The following UGGT2 variants were observed in gnomAD, a reference collection of about 807,000 sequenced individuals.
The protein encoded by UGGT2 is UDP-glucose:glycoprotein glucosyltransferase 2.
Under a neutral mutation model 192.1 loss-of-function variants are expected in UGGT2, and 180 were observed. That is an observed-to-expected ratio of 0.94 (90% CI 0.83 to 1.06). UGGT2 has a LOEUF of 1.06. UGGT2 is among the 50% of genes least tolerant of loss of function. The pLI is 0.00. For missense variants in UGGT2, 1,849 were observed against 1,795.7 expected, an observed-to-expected ratio of 1.03 and a Z score of -0.54; for synonymous variants, 580 against 591.0, an observed-to-expected ratio of 0.98 and a Z score of 0.27.
chr13:95,992,752 T>C (rs537462972), intron 7 of UGGT2, among the ~76,000 whole-genome samples: 2 of 152,210 alleles, frequency 1.3e-5, no homozygotes, highest in South Asian at 4.1e-4. Context: ...AGAATGGCTA[T>C]TATCAAAAAG....
chr13:95,803,296 T>G (rs762751646), intron 38 of UGGT2, among the ~76,000 whole-genome samples: 1 of 151,610 alleles, frequency 6.6e-6, no homozygotes, highest in Non-Finnish European at 1.5e-5. Context: ...GTTTCACTCT[T>G]GTTGCCCAGA....
Position 96,051,097 on chromosome 13 carries a change from G to A in UGGT2, c.158+2058C>T, listed in dbSNP as rs549470312. 5.9e-5 allele frequency among the ~76,000 whole-genome samples: 9 copies of A among 152,288 alleles called. No homozygotes were observed. In the South Asian group the frequency reaches 1.9e-3, roughly 32 times the overall value. ...GGAACCAACCCAAATGTCCGTCAAT[G>A]ATAGACTGGATTAAGAAAATGTGGC... On this transcript the variant is annotated intron_variant, in intron 1 of 38. Coordinates refer to ENST00000376747, the MANE Select transcript of UGGT2 (RefSeq NM_020121.4).
At chr13:95,870,589 C>T (rs551198316) in intron 29 of UGGT2, among the ~76,000 whole-genome samples, 25 of 152,280 alleles carry the variant, frequency 1.6e-4, no homozygotes, top group African/African-American at 5.3e-4. Context: ...AGTAGCAGCT[C>T]TTTCTGGTTG....
At chr13:95,916,340 C>A (rs1015515440) in intron 20 of UGGT2, among the ~76,000 whole-genome samples, 3 of 152,098 alleles carry the variant, frequency 2.0e-5, no homozygotes. Context: ...TAAAAACAAA[C>A]AGAAAGCAAC....
chr13:95,808,746 A>G (rs1473154553), intron 38 of UGGT2, among the ~76,000 whole-genome samples: 1 of 152,224 alleles, frequency 6.6e-6, no homozygotes, highest in Non-Finnish European at 1.5e-5. Context: ...TCATAACTGA[A>G]TAGCATGTAC....
intron 5 of UGGT2, 24 bp from the exon 6 acceptor site, chr13:95,999,331 A>G: frequency 6.2e-7 from 1 of 1,603,556 alleles, no homozygotes; most frequent in Non-Finnish European, 8.5e-7. Flanking sequence ...TTTATTTTAT[A>G]AAAAGCGAAA....
chr13:95,972,236 C>G (rs891013940), intron 11 of UGGT2, among the ~76,000 whole-genome samples: 1 of 151,902 alleles, frequency 6.6e-6, no homozygotes, highest in Admixed American at 6.6e-5. Flanking sequence ...GGGGAAATAC[C>G]CCATGTTGAC....
intron 5 of UGGT2, among the ~76,000 whole-genome samples, chr13:96,010,944 GC>G (rs955012781): frequency 9.9e-5 from 15 of 152,134 alleles, no homozygotes; most frequent in African/African-American, 3.6e-4. Flanking sequence ...GAAAAGCAAA[GC>G]CAGAAATAGA....
chr13:95,960,734 G>T (rs964427099), intron 12 of UGGT2, among the ~76,000 whole-genome samples: 6 of 152,132 alleles, frequency 3.9e-5, no homozygotes, highest in Admixed American at 3.3e-4. Flanking sequence ...TTTTGCCCAT[G>T]GCAAATTATA....
intron 5 of UGGT2, among the ~76,000 whole-genome samples, chr13:96,009,934 C>G (rs910126472): frequency 1.3e-5 from 2 of 151,946 alleles, no homozygotes; most frequent in African/African-American, 4.8e-5. Flanking sequence ...AGATCAAAAC[C>G]ACAATGAGAT....
intron 38 of UGGT2, among the ~76,000 whole-genome samples, chr13:95,813,919 C>T (rs1320609875): frequency 1.3e-5 from 2 of 152,198 alleles, no homozygotes; most frequent in South Asian, 2.1e-4. Context: ...CAGACTGCTA[C>T]TTCAGAGGGT....
chr13:95,939,903 G>T, intron 16 of UGGT2, 54 bp downstream of exon 16: 1 of 1,363,750 alleles, frequency 7.3e-7, no homozygotes, highest in Non-Finnish European at 1.0e-6. Flanking sequence ...AGATCATGTG[G>T]TGTTTGTCTT....
Position 95,983,605 on chromosome 13 carries a change from A to C in UGGT2, c.1092+199T>G, listed in dbSNP as rs528078721. On this transcript the variant is annotated intron_variant, in intron 10 of 38. Coordinates refer to ENST00000376747, the MANE Select transcript of UGGT2 (RefSeq NM_020121.4). ...GAAATTCTGGAATATACTGTGAAAT[A>C]AGTAGAAGGTATGTCAGAAAAGATT... 10 of 643,768 alleles carry C rather than the reference A, an allele frequency of 1.6e-5. No homozygotes were observed. The African/African-American group carries it at 1.6e-4, about 10-fold the overall frequency. 39.9% of individuals were successfully genotyped at this position (643,768 alleles called of 1,614,324 possible).
At chr13:95,958,156 T>A (rs2050269065) in intron 12 of UGGT2, among the ~76,000 whole-genome samples, 1 of 144,120 alleles carries the variant, frequency 6.9e-6, no homozygotes, top group Non-Finnish European at 1.5e-5. Context: ...GAAGGCAGAA[T>A]TTTTTTTTTT....
intron 12 of UGGT2, among the ~76,000 whole-genome samples, chr13:95,957,942 TA>T (rs1354684677): frequency 5.9e-5 from 9 of 152,158 alleles, no homozygotes; most frequent in Non-Finnish European, 1.3e-4. Context: ...AAAGACAAAG[TA>T]AAAGTAAAAT....
At chr13:96,023,003 T>C in intron 4 of UGGT2, 37 bp downstream of exon 4, 1 of 1,498,220 alleles carries the variant, frequency 6.7e-7, no homozygotes, top group Non-Finnish European at 9.0e-7. Flanking sequence ...CTCCTCTCTA[T>C]AACCACTTCT....
intron 25 of UGGT2, among the ~76,000 whole-genome samples, chr13:95,889,429 T>C (rs2047738586): frequency 1.3e-5 from 2 of 152,084 alleles, no homozygotes; most frequent in African/African-American, 4.8e-5. Flanking sequence ...CGCACTAAAT[T>C]CTAAAAAAAA....
At chr13:96,032,852 C>G (rs1462881680) in intron 1 of UGGT2, among the ~76,000 whole-genome samples, 2 of 152,168 alleles carry the variant, frequency 1.3e-5, no homozygotes, top group African/African-American at 2.4e-5. Flanking sequence ...AAAAGGAAGT[C>G]AGAAAGACTG....
intron 10 of UGGT2, among the ~76,000 whole-genome samples, chr13:95,977,099 AG>A (rs1337885431): frequency 1.3e-5 from 2 of 152,206 alleles, no homozygotes; most frequent in African/African-American, 4.8e-5. Context: ...TAAAAATCCT[AG>A]AAGAAAACTT....
Sources: gnomAD v4.1 joint callset for allele counts (sites outside exome capture counted in the v4.1 genomes callset) on GRCh38, gnomAD v4.1.1 for gene constraint, MANE v1.5 for transcripts, NCBI Gene and HGNC (gene_info 2026-07-23, HGNC 2026-07-21) for gene names.